Variants in ARHGAP15 observed in about 807,000 individuals in gnomAD.
ARHGAP15 encodes rho GTPase-activating protein 15.
A neutral mutation model predicts 63.7 loss-of-function variants in ARHGAP15; 51 were observed. The observed-to-expected ratio is 0.80, with a 90% CI of 0.64 to 1.01. The LOEUF is 1.01. Ranked by LOEUF, ARHGAP15 falls within the 50% of genes least tolerant of loss-of-function variation. ARHGAP15 has a pLI of 0.00. For synonymous variants in ARHGAP15, 191 were observed against 193.8 expected, an observed-to-expected ratio of 0.99 and a Z score of 0.12; for missense variants, 560 against 564.6, an observed-to-expected ratio of 0.99 and a Z score of 0.08.
At chr2:143,664,655 A>AT (rs1463277008) in intron 12 of ARHGAP15, among the ~76,000 whole-genome samples, 1 of 152,062 alleles carries the variant, frequency 6.6e-6, no homozygotes, top group Non-Finnish European at 1.5e-5. Flanking sequence ...GATCAACAAA[A>AT]TTGATAGACC....
chr2:143,302,168 T>G (rs1682935052), intron 6 of ARHGAP15, among the ~76,000 whole-genome samples: 2 of 151,980 alleles, frequency 1.3e-5, no homozygotes, highest in African/African-American at 4.8e-5. Context: ...ACGTAAGATA[T>G]GAATATCAGA....
At chr2:143,584,693 A>T (rs1697041915) in intron 11 of ARHGAP15, among the ~76,000 whole-genome samples, 1 of 152,196 alleles carries the variant, frequency 6.6e-6, no homozygotes. Context: ...ATTGAAGTCA[A>T]ACTGGAATTC....
chr2:143,412,103 T>G (rs1162877277), intron 6 of ARHGAP15, among the ~76,000 whole-genome samples: 1 of 152,172 alleles, frequency 6.6e-6, no homozygotes, highest in African/African-American at 2.4e-5. Context: ...GCCAGAGAAG[T>G]GACATGATTC....
intron 8 of ARHGAP15, among the ~76,000 whole-genome samples, chr2:143,466,097 G>C (rs1184257738): frequency 1.3e-5 from 2 of 151,730 alleles, no homozygotes. Flanking sequence ...TGTCACATTG[G>C]CATGCAGGGT....
chr2:143,145,839 GGTGTGT>G (rs4008348), intron 1 of ARHGAP15, among the ~76,000 whole-genome samples: 26,361 of 142,528 alleles, frequency 0.18, 2,698 homozygotes, highest in African/African-American at 0.29. Flanking sequence ...TATGTATAGG[GGTGTGT>G]GTGTGTGTGT....
rs1558897815 is a variant in ARHGAP15 at position 143,330,115 on chromosome 2, AAAAAAAAAAAAAAAAACCAAAAAC to A, written c.474+79522_474+79545del. ...GTCTCAAAAAAAAAAAAAAAAAAAA[AAAAAAAAAAAAAAAAACCAAAAAC>A]AAAAAACTAAACTAATGATTAATAA... On this transcript the variant is annotated intron_variant, in intron 6 of 13. Transcript: ENST00000295095. 1.6e-4 allele frequency among the ~76,000 whole-genome samples: 14 copies of A among 86,180 alleles called. 1 individual carries two copies. Among genetic ancestry groups the A allele is most frequent in the Admixed American group, 4.3e-4 (3 of 7,038 alleles). 56.5% of individuals were successfully genotyped at this position (86,180 alleles called of 152,430 possible).
intron 5 of ARHGAP15, among the ~76,000 whole-genome samples, chr2:143,246,707 G>A (rs189584330): frequency 1.2e-3 from 179 of 152,124 alleles, no homozygotes; most frequent in Middle Eastern, 0.01. Flanking sequence ...GTGGAATCAG[G>A]AATATAGGAC....
At chr2:143,634,570 T>A (rs1338731090) in intron 12 of ARHGAP15, among the ~76,000 whole-genome samples, 3 of 151,858 alleles carry the variant, frequency 2.0e-5, no homozygotes, top group African/African-American at 7.2e-5. Context: ...CTCAGAGCTT[T>A]AGTTAACAGT....
At chr2:143,160,951 G>C (rs1331605239) in intron 2 of ARHGAP15, among the ~76,000 whole-genome samples, 18 of 151,938 alleles carry the variant, frequency 1.2e-4, no homozygotes, top group Non-Finnish European at 7.4e-5. Flanking sequence ...CCTGAGCATA[G>C]CTAAATTTGT....
chr2:143,629,376 A>G (rs1698973544), intron 12 of ARHGAP15, among the ~76,000 whole-genome samples: 1 of 152,132 alleles, frequency 6.6e-6, no homozygotes, highest in African/African-American at 2.4e-5. Flanking sequence ...AGGTTATTTC[A>G]TGGGGATTTA....
intron 1 of ARHGAP15, among the ~76,000 whole-genome samples, chr2:143,136,480 T>C (rs1195248694): frequency 6.6e-6 from 1 of 152,114 alleles, no homozygotes; most frequent in Non-Finnish European, 1.5e-5. Context: ...AAGAAGCATA[T>C]GAAACAATGT....
chr2:143,679,316 A>G (rs961227652), intron 12 of ARHGAP15, among the ~76,000 whole-genome samples: 2 of 152,238 alleles, frequency 1.3e-5, no homozygotes, highest in African/African-American at 2.4e-5. Flanking sequence ...TTAATAACCC[A>G]TAAGACAAAT....
intron 8 of ARHGAP15, among the ~76,000 whole-genome samples, chr2:143,455,810 T>A (rs1301200052): frequency 6.6e-6 from 1 of 152,030 alleles, no homozygotes; most frequent in African/African-American, 2.4e-5. Flanking sequence ...TCCACCAAAG[T>A]GTTTAAAAGG....
chr2:143,556,296 G>C, intron 10 of ARHGAP15, 112 bp from the exon 11 acceptor site: 1 of 729,664 alleles, frequency 1.4e-6, no homozygotes, highest in Non-Finnish European at 2.2e-6. Flanking sequence ...CACACAAATT[G>C]GTTTTATCTG....
At position 143,488,512 on chromosome 2, in the gene ARHGAP15, T is replaced by A. The variant is rs542143805; in HGVS notation, c.826+1017T>A. Reference sequence around the variant, plus strand: ...TCAAATTTTCTAGCTTATGTGTACATTTTGAAAATTAAATGTAAGAAAGAA... The same window carrying A: ...TCAAATTTTCTAGCTTATGTGTACAATTTGAAAATTAAATGTAAGAAAGAA... On this transcript the variant is annotated intron_variant, in intron 9 of 13. Coordinates refer to ENST00000295095, the MANE Select transcript of ARHGAP15 (RefSeq NM_018460.4). Among the ~76,000 whole-genome samples, 118 of 152,326 alleles carry A rather than the reference T, an allele frequency of 7.7e-4. 1 individual carries two copies. In the South Asian group the frequency reaches 0.012, roughly 16 times the overall value.
At position 143,765,217 on chromosome 2, in the gene ARHGAP15, T is replaced by A. The variant is rs1424661668; in HGVS notation, c.1245-2772T>A. Among the ~76,000 whole-genome samples the A allele has an allele frequency of 2.6e-5, 4 of 152,024 alleles. No homozygotes were observed. In the East Asian group the frequency reaches 5.8e-4, roughly 22 times the overall value. On this transcript the variant is annotated intron_variant, in intron 13 of 13. Transcript: ENST00000295095. ...AAAACCAAATTGGGAAAAACCTGCA[T>A]TGCCTGTATTGTGAGTCTTACTAAT...
intron 11 of ARHGAP15, among the ~76,000 whole-genome samples, chr2:143,610,480 T>C (rs1012418147): frequency 1.3e-5 from 2 of 152,176 alleles, no homozygotes; most frequent in Non-Finnish European, 2.9e-5. Flanking sequence ...TCCTGACCAA[T>C]CGACTTTCCA....
At chr2:143,375,993 A>AC (rs1686792211) in intron 6 of ARHGAP15, among the ~76,000 whole-genome samples, 2 of 152,194 alleles carry the variant, frequency 1.3e-5, no homozygotes, top group Admixed American at 6.5e-5. Flanking sequence ...AAAGAGAAAA[A>AC]CAAACAAATA....
intron 9 of ARHGAP15, among the ~76,000 whole-genome samples, chr2:143,503,216 A>G (rs1468835807): frequency 1.3e-5 from 2 of 152,224 alleles, no homozygotes; most frequent in Non-Finnish European, 2.9e-5. Context: ...AGTTTTATAT[A>G]ATGTTTGAGT....
Sources: allele counts gnomAD v4.1 joint callset (sites outside exome capture counted in the v4.1 genomes callset), GRCh38; gene constraint gnomAD v4.1.1; transcripts MANE v1.5; gene names NCBI Gene and HGNC (gene_info 2026-07-23, HGNC 2026-07-21).